CORO2A: variants seen among roughly 807,000 people sequenced by gnomAD.
The protein encoded by CORO2A is coronin-2A.
CORO2A carries 47 observed loss-of-function variants against 62.4 expected under a neutral mutation model. That is an observed-to-expected ratio of 0.75 (90% CI 0.60 to 0.96). The LOEUF (loss-of-function observed/expected upper bound fraction) is 0.96, where lower values mean the gene tolerates loss of function less well. Ranked by LOEUF, CORO2A falls within the 40% of genes least tolerant of loss-of-function variation. The probability of loss-of-function intolerance (pLI) is 0.00; values close to 1 mark genes in which losing one functional copy is unlikely to be tolerated. For missense variants in CORO2A, 610 were observed against 684.1 expected, an observed-to-expected ratio of 0.89 and a Z score of 1.21; for synonymous variants, 273 against 268.9, an observed-to-expected ratio of 1.02 and a Z score of -0.15.
rs1587995116 is a variant in CORO2A, at chr9:98,137,805, G to A, written c.202-117C>T. On this transcript the variant is annotated intron_variant, in intron 2 of 11. Transcript: ENST00000375077. ...GAAAACATAAGGGACAGAGCTGGGT[G>A]TGAATCTAGGCCTTACTTCTTATTC... 17 of 777,620 alleles carry A rather than the reference G, an allele frequency of 2.2e-5. No individual in the cohort carries two copies. In the East Asian group the frequency reaches 4.0e-4, roughly 18 times the overall value. 48.2% of individuals were successfully genotyped at this position (777,620 alleles called of 1,614,324 possible).
chr9:98,138,809 G>C (rs1292530025), intron 2 of CORO2A, among the ~76,000 whole-genome samples: 1 of 152,100 alleles, frequency 6.6e-6, no homozygotes, highest in African/African-American at 2.4e-5. Flanking sequence ...AGCACTTTGG[G>C]GGGCCGAGGC....
At chr9:98,168,789 G>C (rs1827994346) in intron 1 of CORO2A, among the ~76,000 whole-genome samples, 1 of 152,240 alleles carries the variant, frequency 6.6e-6, no homozygotes. Context: ...AAACCAGAAA[G>C]CATGAAGCAG....
At chr9:98,181,333 G>GTTTTT (rs1828174361) in intron 1 of CORO2A, among the ~76,000 whole-genome samples, 1 of 122,136 alleles carries the variant, frequency 8.2e-6, no homozygotes, top group African/African-American at 3.4e-5. Flanking sequence ...TCTCTCTCTT[G>GTTTTT]CTTTTTTTTT....
At chr9:98,192,198 G>A (rs1828313265) in intron 1 of CORO2A, among the ~76,000 whole-genome samples, 1 of 152,234 alleles carries the variant, frequency 6.6e-6, no homozygotes, top group Non-Finnish European at 1.5e-5. Context: ...GGGGCCTGTC[G>A]GGACCGGCTG....
At chr9:98,163,015 G>A (rs1347895775) in intron 1 of CORO2A, among the ~76,000 whole-genome samples, 1 of 152,186 alleles carries the variant, frequency 6.6e-6, no homozygotes, top group Non-Finnish European at 1.5e-5. Context: ...TCTCAGGTGT[G>A]GCACTCTGGG....
intron 1 of CORO2A, among the ~76,000 whole-genome samples, chr9:98,160,815 T>C (rs1827874809): frequency 6.6e-6 from 1 of 151,092 alleles, no homozygotes; most frequent in Non-Finnish European, 1.5e-5. Context: ...CAGGCAGCCA[T>C]AGCACACATC....
intron 1 of CORO2A, among the ~76,000 whole-genome samples, chr9:98,188,107 ACATGCCAGG>A (rs1461741770): frequency 6.6e-6 from 1 of 152,120 alleles, no homozygotes; most frequent in East Asian, 1.9e-4. Flanking sequence ...GCTTCTCTGA[ACATGCCAGG>A]CATGGTCCTG....
At position 98,190,600 on chromosome 9, in the gene CORO2A, G is replaced by A. The variant is rs549656773; in HGVS notation, c.-1+1959C>T. 3.9e-5 allele frequency among the ~76,000 whole-genome samples: 6 copies of A among 152,252 alleles called. No homozygotes were observed. The South Asian group carries it at 8.3e-4, about 21-fold the overall frequency. On this transcript the variant is annotated intron_variant, in intron 1 of 11. Transcript: ENST00000375077. Reference sequence around the variant, plus strand: ...AAATGAGGGGGTTGAATGAGACGACGTCTGAAGGCTCCTTTCAGCTCAGAC... The same window carrying A: ...AAATGAGGGGGTTGAATGAGACGACATCTGAAGGCTCCTTTCAGCTCAGAC...
intron 6 of CORO2A, 126 bp from the exon 7 acceptor site, chr9:98,131,185 A>AT (rs1827403329): frequency 6.3e-6 from 4 of 634,640 alleles, no homozygotes; most frequent in South Asian, 5.7e-5. Flanking sequence ...AAAAAGTGTG[A>AT]TTTTTTTATA....
chr9:98,138,411 CAA>C (rs35123837), intron 2 of CORO2A, among the ~76,000 whole-genome samples: 15 of 99,200 alleles, frequency 1.5e-4, no homozygotes, highest in Non-Finnish European at 1.4e-4. Context: ...AACTATGTCT[CAA>C]AAAAAAAAAA....
chr9:98,163,709 G>A (rs1345189826), intron 1 of CORO2A, among the ~76,000 whole-genome samples: 2 of 142,722 alleles, frequency 1.4e-5, no homozygotes, highest in African/African-American at 2.8e-5. Context: ...ACATACATGC[G>A]GGGTGTGTGT....
At position 98,124,851 on chromosome 9, in the gene CORO2A, A is replaced by G; in HGVS notation, c.1501T>C (p.Leu501=). ...QEEIRRLREL[L]TQREVQAKQL... Reference sequence around the variant, plus strand: ...TTGGCCTGGACCTCTCGCTGGGTCAACAGCTCCCGGAGCCTTCGGATCTCC... The same window carrying G: ...TTGGCCTGGACCTCTCGCTGGGTCAGCAGCTCCCGGAGCCTTCGGATCTCC... Residue 501 remains leucine, a synonymous_variant, in exon 12 of 12, where the codon TTG becomes CTG. Transcript: ENST00000375077. The G allele has an allele frequency of 6.3e-7, 1 of 1,599,346 alleles. No homozygotes were observed. Among genetic ancestry groups the G allele is most frequent in the Non-Finnish European group, 8.5e-7 (1 of 1,171,518 alleles).
chr9:98,156,274 A>C (rs181354470), intron 2 of CORO2A, among the ~76,000 whole-genome samples: 7 of 152,268 alleles, frequency 4.6e-5, no homozygotes, highest in Middle Eastern at 3.4e-3. Flanking sequence ...TCTTGGGCTT[A>C]AGTAATCCTC....
At chr9:98,159,813 C>T (rs1208654016) in intron 1 of CORO2A, among the ~76,000 whole-genome samples, 6 of 152,038 alleles carry the variant, frequency 3.9e-5, no homozygotes, top group African/African-American at 1.4e-4. Context: ...AGAGAAGGCT[C>T]TGCTCCAGGA....
chr9:98,128,107 G>T, intron 10 of CORO2A, 63 bp downstream of exon 10: 1 of 1,355,588 alleles, frequency 7.4e-7, no homozygotes, highest in Non-Finnish European at 1.0e-6. Context: ...TCAATTGCTT[G>T]GGGCCACTGG....
intron 1 of CORO2A, among the ~76,000 whole-genome samples, chr9:98,182,420 C>G (rs936986038): frequency 5.3e-5 from 8 of 152,148 alleles, no homozygotes; most frequent in Admixed American, 2.6e-4. Flanking sequence ...AGCAAGCTCT[C>G]AAAGCTCCTT....
chr9:98,154,327 G>GTATATATATATATATATATA (rs1252469980), intron 2 of CORO2A, among the ~76,000 whole-genome samples: 57 of 93,190 alleles, frequency 6.1e-4, no homozygotes, highest in East Asian at 2.6e-3. Flanking sequence ...ATGTGTTTGT[G>GTATATATATATATATATATA]TGTATATATA....
chr9:98,132,965 C>T (rs369767635), intron 5 of CORO2A, 73 bp downstream of exon 5: 53 of 1,547,210 alleles, frequency 3.4e-5, no homozygotes, highest in East Asian at 3.4e-4. Flanking sequence ...GTCCTGTTCT[C>T]TGAAGCCTCT....
chr9:98,173,219 A>G (rs922708440), intron 1 of CORO2A, among the ~76,000 whole-genome samples: 1 of 152,174 alleles, frequency 6.6e-6, no homozygotes, highest in Non-Finnish European at 1.5e-5. Flanking sequence ...GTGAGAGCTG[A>G]GAGTCTGCAC....
Sources: allele counts gnomAD v4.1 joint callset (sites outside exome capture counted in the v4.1 genomes callset), GRCh38; gene constraint gnomAD v4.1.1; transcripts MANE v1.5; gene names NCBI Gene and HGNC (gene_info 2026-07-23, HGNC 2026-07-21).